GAS2: variants seen among roughly 807,000 people sequenced by gnomAD.
The protein encoded by GAS2 is growth arrest-specific protein 2.
Under a neutral mutation model 37.5 loss-of-function variants are expected in GAS2, and 20 were observed. The observed-to-expected ratio is 0.53, with a 90% CI of 0.37 to 0.77. The LOEUF is 0.77. GAS2 is among the 30% of genes least tolerant of loss of function. GAS2 has a pLI of 0.00. For synonymous variants in GAS2, 144 were observed against 132.2 expected (o/e 1.09, Z -0.61); for missense variants, 336 against 373.4 (o/e 0.90, Z 0.82).
chr11:22,715,508 C>T (rs373828714), intron 3 of GAS2, among the ~76,000 whole-genome samples: 1 of 103,240 alleles, frequency 9.7e-6, no homozygotes, highest in South Asian at 3.2e-4. Flanking sequence ...AGAAACAAAA[C>T]AAGAGATATT....
intron 1 of GAS2, among the ~76,000 whole-genome samples, chr11:22,652,760 A>G (rs972990176): frequency 2.0e-4 from 30 of 152,274 alleles, no homozygotes; most frequent in Admixed American, 6.5e-4. Flanking sequence ...CAGTGAGGCA[A>G]TGCCTCGCCC....
chr11:22,641,336 T>A (rs377362358), intron 1 of GAS2, among the ~76,000 whole-genome samples: 1 of 98,562 alleles, frequency 1.0e-5, no homozygotes, highest in Non-Finnish European at 2.1e-5. Flanking sequence ...ATATATATAT[T>A]TATATATGTC....
chr11:22,743,293 A>T (rs762658202), intron 5 of GAS2, among the ~76,000 whole-genome samples: 1 of 152,124 alleles, frequency 6.6e-6, no homozygotes, highest in Non-Finnish European at 1.5e-5. Context: ...GATGTCATTC[A>T]GTGGTATAAT....
intron 3 of GAS2, among the ~76,000 whole-genome samples, chr11:22,690,754 C>T (rs932878071): frequency 5.9e-4 from 90 of 152,228 alleles, no homozygotes; most frequent in African/African-American, 2.1e-3. Context: ...GCTACCCGAT[C>T]GGAATTGGCA....
chr11:22,685,638 C>G, intron 2 of GAS2, 30 bp from the exon 3 acceptor site: 2 of 1,599,034 alleles, frequency 1.3e-6, no homozygotes, highest in Non-Finnish European at 1.7e-6. Flanking sequence ...TTTGATTTTC[C>G]TTTTATAATG....
intron 7 of GAS2, among the ~76,000 whole-genome samples, chr11:22,803,676 C>G (rs1374188875): frequency 1.3e-5 from 2 of 152,022 alleles, no homozygotes; most frequent in Admixed American, 1.3e-4. Context: ...AAAGTAGGTA[C>G]AACCTGTGGA....
At chr11:22,681,826 A>G (rs1347513396) in intron 2 of GAS2, among the ~76,000 whole-genome samples, 2 of 134,584 alleles carry the variant, frequency 1.5e-5, no homozygotes, top group East Asian at 4.0e-4. Flanking sequence ...AGCTACTTTT[A>G]TATTATATTT....
intron 1 of GAS2, among the ~76,000 whole-genome samples, chr11:22,650,669 G>A (rs969661288): frequency 4.0e-4 from 61 of 151,494 alleles, no homozygotes; most frequent in Non-Finnish European, 7.4e-4. Flanking sequence ...TTACCATTAT[G>A]TAATGGCCTT....
intron 2 of GAS2, among the ~76,000 whole-genome samples, chr11:22,679,258 G>T (rs1461513321): frequency 6.6e-6 from 1 of 152,076 alleles, no homozygotes; most frequent in South Asian, 2.1e-4. Flanking sequence ...AGATCTTATC[G>T]TCTTTCTTTA....
chr11:22,715,479 A>AAAAAAAAAG (rs1554973679), intron 3 of GAS2, among the ~76,000 whole-genome samples: 4 of 145,784 alleles, frequency 2.7e-5, no homozygotes, highest in African/African-American at 1.0e-4. Flanking sequence ...AAAAAAAAAA[A>AAAAAAAAAG]AAAAGAAAAG....
chr11:22,726,169 TC>T, intron 3 of GAS2, 122 bp from the exon 4 acceptor site: 1 of 904,846 alleles, frequency 1.1e-6, no homozygotes, highest in African/African-American at 1.7e-5. Context: ...TTTCTAGGGT[TC>T]TTTGCAAACC....
chr11:22,692,628 T>C (rs1214942618), intron 3 of GAS2, among the ~76,000 whole-genome samples: 1 of 152,174 alleles, frequency 6.6e-6, no homozygotes, highest in Non-Finnish European at 1.5e-5. Flanking sequence ...CAGAAATGCA[T>C]TTATCTCAGC....
intron 7 of GAS2, among the ~76,000 whole-genome samples, chr11:22,765,351 A>G (rs1854630293): frequency 6.6e-6 from 1 of 152,252 alleles, no homozygotes; most frequent in Admixed American, 6.5e-5. Context: ...TGATTTTAAC[A>G]GGGATCTCAG....
At chr11:22,695,146 G>A (rs902917942) in intron 3 of GAS2, among the ~76,000 whole-genome samples, 1 of 151,702 alleles carries the variant, frequency 6.6e-6, no homozygotes, top group African/African-American at 2.4e-5. Context: ...ATGGTAAAAC[G>A]CTGTCTCTAC....
chr11:22,763,610 TACACATAC>T lies in GAS2; in HGVS notation c.723+7663_723+7670del, dbSNP rs774657742. Among the ~76,000 whole-genome samples, 348 of 84,628 alleles carry T rather than the reference TACACATAC, an allele frequency of 4.1e-3. 4 individuals carry two copies. In the Admixed American group the frequency reaches 0.042, roughly 10 times the overall value. The allele number at this position is 84,628 out of a possible 152,430, so 55.5% of individuals were successfully genotyped here. A position where few individuals can be genotyped will look rare whatever the true frequency, so the allele number is the denominator to read the frequency against. On this transcript the variant is annotated intron_variant, in intron 7 of 7. Transcript: ENST00000454584. ...AAAGTCAACAATTCATTTAAAAAAA[TACACATAC>T]ACACACACACACACACACACACACA...
rs536787290 is a variant in GAS2, at chr11:22,696,764, T to C, written c.267+10975T>C. On this transcript the variant is annotated intron_variant, in intron 3 of 7. Transcript: ENST00000454584. Reference sequence around the variant, plus strand: ...TTCTTTTGAGAAGTGTCTGTTCATGTCCTTCACCCACTTTTTGATGGAGTT... The same window carrying C: ...TTCTTTTGAGAAGTGTCTGTTCATGCCCTTCACCCACTTTTTGATGGAGTT... 9.8e-4 allele frequency among the ~76,000 whole-genome samples: 149 copies of C among 152,212 alleles called. 1 individual carries two copies. Among genetic ancestry groups the C allele is most frequent in the Non-Finnish European group, 3.8e-4 (26 of 68,030 alleles).
chr11:22,682,229 A>G (rs1849715744), intron 2 of GAS2, among the ~76,000 whole-genome samples: 1 of 152,122 alleles, frequency 6.6e-6, no homozygotes, highest in Non-Finnish European at 1.5e-5. Context: ...AACTAAAAAG[A>G]TATAATGTAT....
At chr11:22,652,091 G>A (rs1848783756) in intron 1 of GAS2, among the ~76,000 whole-genome samples, 1 of 152,142 alleles carries the variant, frequency 6.6e-6, no homozygotes, top group African/African-American at 2.4e-5. Flanking sequence ...GTACAGATGG[G>A]TTTTTGGTGT....
intron 5 of GAS2, among the ~76,000 whole-genome samples, chr11:22,741,197 TA>T (rs1221898727): frequency 1.3e-5 from 2 of 152,188 alleles, no homozygotes; most frequent in African/African-American, 4.8e-5. Flanking sequence ...TTCTCATGGG[TA>T]AAACTTACTT....
Sources: gnomAD v4.1 joint callset for allele counts (sites outside exome capture counted in the v4.1 genomes callset) on GRCh38, gnomAD v4.1.1 for gene constraint, MANE v1.5 for transcripts, NCBI Gene and HGNC (gene_info 2026-07-23, HGNC 2026-07-21) for gene names.